Variants in MEMO1 observed in about 807,000 individuals in gnomAD.
MEMO1 encodes protein MEMO1.
Under a neutral mutation model 45.2 loss-of-function variants are expected in MEMO1, and 6 were observed. The ratio of observed to expected loss-of-function variants is 0.13; its 90% confidence interval spans 0.07 to 0.26. MEMO1 has a LOEUF of 0.26. MEMO1 is among the 10% of genes least tolerant of loss of function. The probability of loss-of-function intolerance (pLI) is 1.00; values close to 1 mark genes in which losing one functional copy is unlikely to be tolerated. For missense variants in MEMO1, 184 were observed against 370.5 expected, an observed-to-expected ratio of 0.50 and a Z score of 4.13; for synonymous variants, 78 against 124.3, an observed-to-expected ratio of 0.63 and a Z score of 2.48.
intron 4 of MEMO1, among the ~76,000 whole-genome samples, chr2:31,926,472 T>C (rs576958806): frequency 6.6e-6 from 1 of 152,278 alleles, no homozygotes; most frequent in African/African-American, 2.4e-5. Flanking sequence ...AATTGGACTT[T>C]CATAAAACTT....
At chr2:32,009,349 C>G (rs1452401890) in intron 2 of MEMO1, among the ~76,000 whole-genome samples, 1 of 152,164 alleles carries the variant, frequency 6.6e-6, no homozygotes, top group African/African-American at 2.4e-5. Flanking sequence ...CAAACACTGA[C>G]AGAAGAGCTG....
At chr2:31,901,904 A>T (rs527546529) in intron 6 of MEMO1, among the ~76,000 whole-genome samples, 16 of 150,806 alleles carry the variant, frequency 1.1e-4, no homozygotes, top group Non-Finnish European at 1.0e-4. Context: ...GCAAGACTTC[A>T]TCTCAAAAAA....
At chr2:31,929,874 GAATTC>G (rs1405339884) in intron 4 of MEMO1, among the ~76,000 whole-genome samples, 1 of 152,228 alleles carries the variant, frequency 6.6e-6, no homozygotes, top group Non-Finnish European at 1.5e-5. Context: ...TCTTTCAAGA[GAATTC>G]AACTGTGACT....
Position 31,932,132 on chromosome 2 carries a change from A to G in MEMO1, c.147T>C (p.His49=). The G allele has an allele frequency of 6.2e-7, 1 of 1,612,596 alleles. No individual in the cohort carries two copies. Among genetic ancestry groups the G allele is most frequent in the Non-Finnish European group, 8.5e-7 (1 of 1,179,290 alleles). ...KRPARAIIAP[H]AGYTYCGSCA... is the part of the protein sequence containing the mutation. ...AAGACCCACAGTACGTATATCCTGCATGGCTACAAAACAAAATATTTTTAA... is the reference window on the plus strand; with the variant it reads ...AAGACCCACAGTACGTATATCCTGCGTGGCTACAAAACAAAATATTTTTAA... The change falls in exon 4 of 10, where the codon CAT becomes CAC. Residue 49 remains histidine, a synonymous_variant. Transcript: ENST00000404530.
chr2:31,926,035 G>C (rs1357460974), intron 4 of MEMO1, among the ~76,000 whole-genome samples: 1 of 151,972 alleles, frequency 6.6e-6, no homozygotes, highest in Non-Finnish European at 1.5e-5. Flanking sequence ...GATAAATTAC[G>C]GCTATTCCAA....
intron 2 of MEMO1, 122 bp downstream of exon 2, chr2:32,010,065 C>T (rs1393848158): frequency 2.3e-5 from 7 of 304,042 alleles, no homozygotes; most frequent in African/African-American, 1.1e-4. Flanking sequence ...CCGCGCCCGG[C>T]GGCCCGTCCG....
chr2:31,875,868 G>C (rs1456949735), intron 8 of MEMO1, among the ~76,000 whole-genome samples: 1 of 151,860 alleles, frequency 6.6e-6, no homozygotes, highest in African/African-American at 2.4e-5. Context: ...TGTATTTTTA[G>C]GAGAAAGGGG....
At chr2:31,962,913 T>C (rs936591185) in intron 2 of MEMO1, among the ~76,000 whole-genome samples, 1 of 152,182 alleles carries the variant, frequency 6.6e-6, no homozygotes, top group African/African-American at 2.4e-5. Context: ...AAGCAGATTA[T>C]CCTCCCTATG....
intron 3 of MEMO1, among the ~76,000 whole-genome samples, chr2:31,939,942 A>T (rs1454153053): frequency 1.3e-5 from 2 of 152,106 alleles, no homozygotes; most frequent in Non-Finnish European, 2.9e-5. Flanking sequence ...CACCCCACAG[A>T]AACTTTTCTT....
intron 2 of MEMO1, among the ~76,000 whole-genome samples, chr2:31,997,230 C>T (rs749730275): frequency 1.2e-4 from 19 of 152,072 alleles, no homozygotes; most frequent in Non-Finnish European, 2.6e-4. Flanking sequence ...ACAGGATAAA[C>T]TCAAAACTAT....
chr2:31,946,707 C>T (rs1467441147), intron 2 of MEMO1, among the ~76,000 whole-genome samples: 3 of 151,970 alleles, frequency 2.0e-5, no homozygotes, highest in Admixed American at 1.3e-4. Flanking sequence ...ACTAAAAATA[C>T]AAAAAATTAA....
intron 4 of MEMO1, among the ~76,000 whole-genome samples, chr2:31,929,738 C>G (rs1683666799): frequency 6.6e-6 from 1 of 152,090 alleles, no homozygotes; most frequent in Non-Finnish European, 1.5e-5. Flanking sequence ...AAATATAGAA[C>G]AAAAATGGAT....
intron 2 of MEMO1, among the ~76,000 whole-genome samples, chr2:31,951,201 T>C (rs1450279805): frequency 6.6e-6 from 1 of 152,206 alleles, no homozygotes; most frequent in African/African-American, 2.4e-5. Flanking sequence ...GTCAGTCATA[T>C]CAGTAGGATT....
chr2:31,998,579 T>C (rs527538314), intron 2 of MEMO1, among the ~76,000 whole-genome samples: 4 of 152,194 alleles, frequency 2.6e-5, no homozygotes, highest in African/African-American at 9.6e-5. Flanking sequence ...GGTGGGCAGA[T>C]CATGAGGTCA....
chr2:31,870,186 C>A (rs889265149), intron 8 of MEMO1, among the ~76,000 whole-genome samples: 2 of 152,078 alleles, frequency 1.3e-5, no homozygotes, highest in African/African-American at 4.8e-5. Context: ...TTTATTTTCT[C>A]CAAACTCCAG....
intron 6 of MEMO1, among the ~76,000 whole-genome samples, chr2:31,901,619 T>C (rs1160946727): frequency 6.6e-6 from 1 of 151,846 alleles, no homozygotes; most frequent in East Asian, 2.0e-4. Flanking sequence ...GATGAAAACA[T>C]GTTCTGGCCA....
At chr2:31,992,136 T>G (rs890963243) in intron 2 of MEMO1, among the ~76,000 whole-genome samples, 2 of 152,230 alleles carry the variant, frequency 1.3e-5, no homozygotes, top group African/African-American at 2.4e-5. Flanking sequence ...GCATATTTCT[T>G]TCCACATGGA....
intron 2 of MEMO1, among the ~76,000 whole-genome samples, chr2:31,964,573 T>G (rs1668391894): frequency 6.6e-6 from 1 of 152,024 alleles, no homozygotes; most frequent in Admixed American, 6.6e-5. Flanking sequence ...TGGTGGCGCA[T>G]GGCTGTAATC....
At chr2:31,877,466 C>T (rs1354675363) in intron 8 of MEMO1, among the ~76,000 whole-genome samples, 1 of 152,204 alleles carries the variant, frequency 6.6e-6, no homozygotes, top group Non-Finnish European at 1.5e-5. Context: ...AGAATATCTA[C>T]AGCCTTAATT....
Sources: gnomAD v4.1 joint callset for allele counts (sites outside exome capture counted in the v4.1 genomes callset) on GRCh38, gnomAD v4.1.1 for gene constraint, MANE v1.5 for transcripts, NCBI Gene and HGNC (gene_info 2026-07-23, HGNC 2026-07-21) for gene names.